CSMD1: variants seen among roughly 807,000 people sequenced by gnomAD.
CSMD1 encodes the protein CUB and sushi domain-containing protein 1.
CSMD1 carries 213 observed loss-of-function variants against 417.5 expected under a neutral mutation model. The ratio of observed to expected loss-of-function variants is 0.51; its 90% CI spans 0.46 to 0.57. The LOEUF is 0.57. Ranked by LOEUF, CSMD1 falls within the 20% of genes least tolerant of loss-of-function variation. The pLI is 0.00. For synonymous variants in CSMD1, 2,862 were observed against 1,736.8 expected (o/e 1.65, Z -16.11); for missense variants, 6,923 against 4,529.7 (o/e 1.53, Z -15.17).
intron 41 of CSMD1, among the ~76,000 whole-genome samples, chr8:3,119,401 A>C (rs1384221236): frequency 2.0e-5 from 3 of 147,644 alleles, no homozygotes; most frequent in African/African-American, 7.5e-5. Flanking sequence ...AAAAAAAAAA[A>C]AAAAAAAAAA....
intron 7 of CSMD1, among the ~76,000 whole-genome samples, chr8:3,636,457 T>C (rs12543219): frequency 0.47 from 71,748 of 152,068 alleles, 17,059 homozygotes; most frequent in Middle Eastern, 0.64. Flanking sequence ...GGATTACAGG[T>C]GTGAGCCACC....
chr8:4,595,092 T>C (rs994064467), intron 2 of CSMD1, among the ~76,000 whole-genome samples: 1 of 152,142 alleles, frequency 6.6e-6, no homozygotes, highest in Non-Finnish European at 1.5e-5. Context: ...ATAACTTTAA[T>C]AGGGATGGAA....
chr8:3,128,494 T>C (rs79269065), intron 41 of CSMD1: 1 of 218,956 alleles, frequency 4.6e-6, no homozygotes, highest in Non-Finnish European at 9.2e-6. Context: ...AAGAATTCTC[T>C]GTATGATTTA....
intron 6 of CSMD1, among the ~76,000 whole-genome samples, chr8:3,724,812 T>C (rs1802392769): frequency 6.6e-6 from 1 of 152,216 alleles, no homozygotes; most frequent in Admixed American, 6.5e-5. Flanking sequence ...CAGCAGAAAC[T>C]GTAGGTATTT....
rs184334431 is a variant in CSMD1, at chr8:4,006,937, C to T, written c.611-8827G>A. ...CCGCCTCCTGGGTTCAAGCGATTCT[C>T]CTGCTTCAGACTCACGAGTAGCTGG... On this transcript the variant is annotated intron_variant, in intron 4 of 69. Transcript: ENST00000635120. 3.2e-3 allele frequency among the ~76,000 whole-genome samples: 478 copies of T among 147,462 alleles called. 1 individual carries two copies. Among genetic ancestry groups the T allele is most frequent in the Non-Finnish European group, 5.3e-3 (358 of 67,502 alleles).
At chr8:4,286,458 T>C (rs946962009) in intron 3 of CSMD1, among the ~76,000 whole-genome samples, 4 of 152,100 alleles carry the variant, frequency 2.6e-5, no homozygotes, top group African/African-American at 4.8e-5. Flanking sequence ...GCAATATGAA[T>C]TACCCATTGT....
intron 3 of CSMD1, among the ~76,000 whole-genome samples, chr8:4,325,337 G>T (rs757122952): frequency 1.1e-4 from 16 of 152,056 alleles, no homozygotes; most frequent in Non-Finnish European, 2.2e-4. Flanking sequence ...GGAGGTGGAG[G>T]GTTCTCTTGT....
intron 3 of CSMD1, among the ~76,000 whole-genome samples, chr8:4,129,027 G>T (rs768535616): frequency 7.3e-6 from 1 of 136,280 alleles, no homozygotes; most frequent in Non-Finnish European, 1.5e-5. Flanking sequence ...AGTAAGCCGA[G>T]ATCGCGCCAC....
At chr8:3,377,362 T>G (rs1585075396) in intron 18 of CSMD1, among the ~76,000 whole-genome samples, 1 of 152,208 alleles carries the variant, frequency 6.6e-6, no homozygotes, top group Admixed American at 6.5e-5. Context: ...CATGTTCCAG[T>G]GCTGCAAATT....
chr8:4,471,302 G>A (rs939433652), intron 2 of CSMD1, among the ~76,000 whole-genome samples: 4 of 152,044 alleles, frequency 2.6e-5, no homozygotes, highest in South Asian at 2.1e-4. Flanking sequence ...CAAACAGGTT[G>A]GTAAAAAGCT....
At chr8:3,814,514 C>T (rs569750302) in intron 5 of CSMD1, among the ~76,000 whole-genome samples, 10 of 152,300 alleles carry the variant, frequency 6.6e-5, no homozygotes, top group Admixed American at 2.6e-4. Context: ...CCTTCCGTGA[C>T]GCCATTTGGC....
At chr8:3,160,401 G>A (rs575927337) in intron 38 of CSMD1, among the ~76,000 whole-genome samples, 2 of 152,328 alleles carry the variant, frequency 1.3e-5, no homozygotes, top group African/African-American at 4.8e-5. Flanking sequence ...GGGATTACAG[G>A]TGTGAGCCAC....
At chr8:4,087,067 A>C (rs1000538969) in intron 3 of CSMD1, among the ~76,000 whole-genome samples, 6 of 152,146 alleles carry the variant, frequency 3.9e-5, no homozygotes, top group African/African-American at 4.8e-5. Flanking sequence ...AGCCCAAGAG[A>C]GATGCGTCAT....
At position 4,002,468 on chromosome 8, in the gene CSMD1, A is replaced by C. The variant is rs938725268; in HGVS notation, c.611-4358T>G. Among the ~76,000 whole-genome samples, 7 of 152,190 alleles carry C rather than the reference A, an allele frequency of 4.6e-5. No homozygotes were observed. In the South Asian group the frequency reaches 1.4e-3, roughly 31 times the overall value. On this transcript the variant is annotated intron_variant, in intron 4 of 69. Transcript: ENST00000635120. ...AATAAATCAGTTTGTTTCCTCTTAG[A>C]TCTATGAAGCTCTACAGGATGATCA...
intron 5 of CSMD1, among the ~76,000 whole-genome samples, chr8:3,756,685 C>G (rs1269985091): frequency 6.6e-6 from 1 of 152,208 alleles, no homozygotes; most frequent in East Asian, 1.9e-4. Flanking sequence ...GCTGCATGTA[C>G]TTGCTAAACT....
rs370033390 is a variant in CSMD1, at chr8:3,249,274, T to G, written c.4154-19043A>C. ...ACTCACTCTGTTGCCCAGTCTGGAG[T>G]GCAGCGGCGTGATCTCAGTTCACTG... On this transcript the variant is annotated intron_variant, in intron 26 of 69. Transcript: ENST00000635120. 2.6e-5 allele frequency among the ~76,000 whole-genome samples: 4 copies of G among 151,982 alleles called. No individual in the cohort carries two copies. In the East Asian group the frequency reaches 7.7e-4, roughly 29 times the overall value.
intron 1 of CSMD1, among the ~76,000 whole-genome samples, chr8:4,662,400 T>C (rs1366254097): frequency 6.6e-6 from 1 of 152,164 alleles, no homozygotes; most frequent in Non-Finnish European, 1.5e-5. Context: ...GGCATTAGAT[T>C]CTACAAAAAG....
intron 6 of CSMD1, among the ~76,000 whole-genome samples, chr8:3,717,944 T>G (rs1267408710): frequency 6.6e-6 from 1 of 152,192 alleles, no homozygotes; most frequent in African/African-American, 2.4e-5. Context: ...GTTAATCTAC[T>G]AGGCTAAACT....
chr8:3,195,262 C>A (rs1410116264), intron 33 of CSMD1, among the ~76,000 whole-genome samples: 1 of 152,112 alleles, frequency 6.6e-6, no homozygotes. Context: ...GAAGACAGGG[C>A]AGGGTGGGCA....
Sources: gnomAD v4.1 joint callset for allele counts (sites outside exome capture counted in the v4.1 genomes callset) on GRCh38, gnomAD v4.1.1 for gene constraint, MANE v1.5 for transcripts, NCBI Gene and HGNC (gene_info 2026-07-23, HGNC 2026-07-21) for gene names.